GALNT13: variants seen among roughly 807,000 people sequenced by gnomAD.
The protein encoded by GALNT13 is UDP-GalNAc:polypeptide N-acetylgalactosaminyltransferase 13.
GALNT13 carries 28 observed loss-of-function variants against 64.2 expected under a neutral mutation model. The ratio of observed to expected loss-of-function variants is 0.44; its 90% CI spans 0.32 to 0.60. The LOEUF (loss-of-function observed/expected upper bound fraction) is 0.60. Ranked by LOEUF, GALNT13 falls within the 20% of genes least tolerant of loss-of-function variation. The probability of loss-of-function intolerance (pLI) is 0.05; values close to 1 mark genes in which losing one functional copy is unlikely to be tolerated. For missense variants in GALNT13, 577 were observed against 669.8 expected, an observed-to-expected ratio of 0.86 and a Z score of 1.53; for synonymous variants, 214 against 224.6, an observed-to-expected ratio of 0.95 and a Z score of 0.42.
the GALNT13 span, among the ~76,000 whole-genome samples, chr2:153,418,778 A>G: frequency 2.0e-5 from 3 of 151,822 alleles, no homozygotes; most frequent in African/African-American, 7.3e-5. Context: ...GGATGGCTTG[A>G]CCCCGGGAGG....
chr2:153,358,055 C>T, the GALNT13 span, among the ~76,000 whole-genome samples: 6 of 152,166 alleles, frequency 3.9e-5, no homozygotes, highest in Admixed American at 6.5e-5. Context: ...CATATGAAAG[C>T]AAATTTACCC....
At chr2:153,290,226 A>G in the GALNT13 span, among the ~76,000 whole-genome samples, 13 of 152,024 alleles carry the variant, frequency 8.6e-5, no homozygotes, top group African/African-American at 2.9e-4. Flanking sequence ...TTTATTATTG[A>G]TAGTATTTTT....
At chr2:154,125,379 C>G (rs1292145811) in intron 3 of GALNT13, among the ~76,000 whole-genome samples, 2 of 152,120 alleles carry the variant, frequency 1.3e-5, no homozygotes, top group South Asian at 2.1e-4. Flanking sequence ...CTAGCATACT[C>G]CAAGAATCAC....
intron 12 of GALNT13, among the ~76,000 whole-genome samples, chr2:154,447,839 T>C (rs1265724071): frequency 6.6e-6 from 1 of 152,062 alleles, no homozygotes; most frequent in Non-Finnish European, 1.5e-5. Flanking sequence ...ATGTGTATTA[T>C]CTTAGTTTGC....
the GALNT13 span, among the ~76,000 whole-genome samples, chr2:153,179,045 A>G: frequency 6.6e-6 from 1 of 152,070 alleles, no homozygotes; most frequent in East Asian, 1.9e-4. Context: ...ACCCAGCCAC[A>G]ATCCCATTTT....
At chr2:153,428,866 A>G in the GALNT13 span, among the ~76,000 whole-genome samples, 6 of 152,184 alleles carry the variant, frequency 3.9e-5, no homozygotes, top group Non-Finnish European at 8.8e-5. Context: ...TTGTGGGTTC[A>G]ATCTTCTTCA....
chr2:153,266,356 A>G, the GALNT13 span, among the ~76,000 whole-genome samples: 1 of 152,210 alleles, frequency 6.6e-6, no homozygotes, highest in Non-Finnish European at 1.5e-5. Flanking sequence ...ATTTCATTGA[A>G]CCTTACAACT....
At chr2:153,799,158 C>T in the GALNT13 span, among the ~76,000 whole-genome samples, 17 of 152,218 alleles carry the variant, frequency 1.1e-4, no homozygotes, top group African/African-American at 3.8e-4. Flanking sequence ...TAAATAAAGA[C>T]CATGTCTTTT....
intron 2 of GALNT13, among the ~76,000 whole-genome samples, chr2:153,942,974 C>A (rs140958898): frequency 5.6e-4 from 86 of 152,250 alleles, no homozygotes; most frequent in Admixed American, 2.6e-3. Flanking sequence ...ATACTGTTCA[C>A]CCCAATTAGC....
chr2:153,382,203 TG>T, the GALNT13 span, among the ~76,000 whole-genome samples: 2 of 152,080 alleles, frequency 1.3e-5, no homozygotes, highest in Non-Finnish European at 2.9e-5. Context: ...GGACCTTTTT[TG>T]TTTTTTTAAT....
At chr2:154,260,409 G>A (rs1354982000) in intron 8 of GALNT13, among the ~76,000 whole-genome samples, 1 of 152,122 alleles carries the variant, frequency 6.6e-6, no homozygotes, top group East Asian at 1.9e-4. Context: ...CTCTACTGTA[G>A]AATTCAGTGG....
At chr2:153,955,793 C>CAAG (rs1692524490) in intron 3 of GALNT13, among the ~76,000 whole-genome samples, 1 of 152,114 alleles carries the variant, frequency 6.6e-6, no homozygotes, top group Admixed American at 6.5e-5. Context: ...CTGTGACTGG[C>CAAG]AAGGAGTGCT....
intron 11 of GALNT13, among the ~76,000 whole-genome samples, chr2:154,421,541 T>A: frequency 6.6e-6 from 1 of 152,060 alleles, no homozygotes. Context: ...AGGAATTGGA[T>A]CTGAGATATC....
chr2:153,405,314 G>A, the GALNT13 span, among the ~76,000 whole-genome samples: 1 of 152,166 alleles, frequency 6.6e-6, no homozygotes, highest in Non-Finnish European at 1.5e-5. Flanking sequence ...TGTAAAACTG[G>A]CACCAGGACT....
At chr2:154,022,916 A>T (rs1162982416) in intron 3 of GALNT13, among the ~76,000 whole-genome samples, 2 of 152,158 alleles carry the variant, frequency 1.3e-5, no homozygotes, top group African/African-American at 2.4e-5. Context: ...CATTGGTTTC[A>T]AAGAACATCT....
At chr2:154,427,227 A>C (rs369792834) in intron 11 of GALNT13, among the ~76,000 whole-genome samples, 1 of 152,218 alleles carries the variant, frequency 6.6e-6, no homozygotes, top group Admixed American at 6.5e-5. Flanking sequence ...AAAGACTCCC[A>C]GTAACCCTGG....
At chr2:154,173,562 G>A (rs969479680) in intron 4 of GALNT13, among the ~76,000 whole-genome samples, 3 of 151,782 alleles carry the variant, frequency 2.0e-5, no homozygotes, top group Admixed American at 2.0e-4. Flanking sequence ...AGATAACAAA[G>A]CTAAAAAGCT....
chr2:153,820,310 CT>C, the GALNT13 span, among the ~76,000 whole-genome samples: 73 of 152,138 alleles, frequency 4.8e-4, no homozygotes, highest in Non-Finnish European at 9.9e-4. Flanking sequence ...AAAAACATAT[CT>C]GAGAGAATAA....
chr2:153,749,902 T>A, the GALNT13 span, among the ~76,000 whole-genome samples: 33 of 151,940 alleles, frequency 2.2e-4, no homozygotes, highest in Admixed American at 1.9e-3. Context: ...TCTTGTCATG[T>A]CCCAGATCTT....
Sources: allele counts gnomAD v4.1 joint callset (sites outside exome capture counted in the v4.1 genomes callset), GRCh38; gene constraint gnomAD v4.1.1; transcripts MANE v1.5; gene names NCBI Gene and HGNC (gene_info 2026-07-23, HGNC 2026-07-21).